The following LRRK1 variants were observed in gnomAD, a reference collection of about 807,000 sequenced individuals.
LRRK1 encodes the protein leucine rich repeat kinase 1.
LRRK1 carries 113 observed loss-of-function variants against 209.1 expected under a neutral mutation model. That is an observed-to-expected ratio of 0.54 (90% CI 0.46 to 0.63). LRRK1 has a LOEUF of 0.63. LRRK1 is among the 30% of genes least tolerant of loss of function. The pLI, the probability that LRRK1 is intolerant of heterozygous loss-of-function variation, is 0.00. For missense variants in LRRK1, 2,284 were observed against 2,632.2 expected, an observed-to-expected ratio of 0.87 and a Z score of 2.89; for synonymous variants, 1,144 against 1,099.7, an observed-to-expected ratio of 1.04 and a Z score of -0.80.
At chr15:100,971,018 C>T (rs944473583) in intron 2 of LRRK1, among the ~76,000 whole-genome samples, 2 of 151,982 alleles carry the variant, frequency 1.3e-5, no homozygotes, top group Admixed American at 6.6e-5. Context: ...GTGAGCCAAC[C>T]GTGCTATGCA....
At position 101,072,544 on chromosome 15, in the gene LRRK1, C is replaced by A. The variant is rs1275576416; in HGVS notation, c.*3696C>A. ...ATCCCCTGTGACTTGCACGTATATGCCTAGATGGCCTGAAGTAACTGAAGA... is the reference window on the plus strand; with the variant it reads ...ATCCCCTGTGACTTGCACGTATATGACTAGATGGCCTGAAGTAACTGAAGA... On this transcript the variant is annotated 3_prime_UTR_variant, in exon 34 of 34. Transcript: ENST00000388948. The A allele has an allele frequency of 6.6e-6, 1 of 152,424 alleles. No individual in the cohort carries two copies. Among genetic ancestry groups the A allele is most frequent in the Non-Finnish European group, 1.5e-5 (1 of 68,198 alleles). 9.4% of individuals were successfully genotyped at this position (152,424 alleles called of 1,614,324 possible). A position where few individuals can be genotyped will look rare whatever the true frequency, so the allele number is the denominator to read the frequency against.
At chr15:100,938,654 T>C (rs1296428120) in intron 2 of LRRK1, among the ~76,000 whole-genome samples, 3 of 152,000 alleles carry the variant, frequency 2.0e-5, no homozygotes, top group East Asian at 3.9e-4. Context: ...TCCATACTTA[T>C]AGCTTAAGAA....
At chr15:101,002,015 C>T (rs1413653977) in intron 6 of LRRK1, among the ~76,000 whole-genome samples, 2 of 152,224 alleles carry the variant, frequency 1.3e-5, no homozygotes, top group Admixed American at 1.3e-4. Flanking sequence ...GAATCGTTTT[C>T]GGAGTCTGCC....
chr15:101,007,699 C>T (rs1195732574), intron 6 of LRRK1, among the ~76,000 whole-genome samples: 2 of 152,156 alleles, frequency 1.3e-5, no homozygotes, highest in Non-Finnish European at 2.9e-5. Context: ...GGCCTCGCTG[C>T]AGGCTGGGCA....
chr15:101,053,371 G>A lies in LRRK1; in HGVS notation c.4005G>A (p.Glu1335=), dbSNP rs768226866. 1.2e-6 allele frequency: 2 copies of A among 1,600,846 alleles called. No homozygotes were observed. The highest frequency in any genetic ancestry group is 1.7e-6 in the Non-Finnish European group (2 of 1,179,738). ...ISIHPLCFAL[E]LAPLSSLNTV... is the part of the protein sequence containing the mutation. The stretch of plus-strand genomic sequence containing the variant: ...TCCACCCGCTCTGCTTCGCCCTGGA[G>A]CTCGCGCCGCTCAGCAGCCTCAACA... Residue 1335 remains glutamate (E), a synonymous_variant, in exon 26 of 34, where the codon GAG becomes GAA. Transcript: ENST00000388948.
intron 32 of LRRK1, 107 bp downstream of exon 32, chr15:101,066,312 G>A: frequency 3.5e-6 from 5 of 1,417,594 alleles, no homozygotes; most frequent in Non-Finnish European, 1.9e-6. Context: ...ATGTGGGGAG[G>A]CAGGTGCTGT....
chr15:100,964,153 CG>C (rs2030295472), intron 2 of LRRK1, among the ~76,000 whole-genome samples: 1 of 152,122 alleles, frequency 6.6e-6, no homozygotes, highest in South Asian at 2.1e-4. Flanking sequence ...CTGTCTGATG[CG>C]GGTGGAGGGC....
chr15:100,931,397 A>G (rs1332660011), intron 2 of LRRK1, among the ~76,000 whole-genome samples: 2 of 152,240 alleles, frequency 1.3e-5, no homozygotes, highest in Non-Finnish European at 2.9e-5. Flanking sequence ...TCAGTGACTC[A>G]GAGATATTTA....
chr15:101,052,019 G>A, intron 24 of LRRK1, 59 bp downstream of exon 24: 1 of 1,569,084 alleles, frequency 6.4e-7, no homozygotes, highest in Non-Finnish European at 8.7e-7. Flanking sequence ...GTTCCTCGCT[G>A]TGCAGTTGCC....
chr15:101,008,313 A>G (rs2033068705), intron 6 of LRRK1, among the ~76,000 whole-genome samples: 1 of 152,082 alleles, frequency 6.6e-6, no homozygotes, highest in South Asian at 2.1e-4. Flanking sequence ...GTCTGTCTGT[A>G]TCTCAGGCTC....
chr15:101,022,421 C>T lies in LRRK1; in HGVS notation c.1891C>T (p.Arg631Trp), dbSNP rs192470343. The change falls in exon 15 of 34, where the codon CGG becomes TGG. Residue 631 changes from arginine to tryptophan, a missense_variant. Physicochemically the swap from Arg to Trp is moderately radical, Grantham distance 101 (BLOSUM62 -3). This residue lies in a region of LRRK1 where 494 missense variants were observed against 522.1 expected (regional missense o/e 0.95). Transcript: ENST00000388948. The surrounding 1 kb of genome is among the most constrained non-coding windows in gnomAD (Gnocchi z 4.0). ...AMLSYLRAQL[R>W]KAEKCKLMKM... ...GCTGTCTTACCTGCGTGCTCAGCTG[C>T]GGAAAGCGGAAAAGTGCAAGCTGAT... The T allele has an allele frequency of 1.3e-3, 2,033 of 1,614,210 alleles. 4 individuals carry two copies. Among genetic ancestry groups the T allele is most frequent in the Non-Finnish European group, 1.5e-3 (1,794 of 1,180,042 alleles).
intron 2 of LRRK1, among the ~76,000 whole-genome samples, chr15:100,942,700 T>C (rs964515508): frequency 2.0e-5 from 3 of 152,358 alleles, no homozygotes; most frequent in Non-Finnish European, 4.4e-5. Flanking sequence ...CTTTTCTTTT[T>C]TTTCCAAATT....
rs1596200672 is a variant in LRRK1, at chr15:100,960,230, C to T, written c.98-13574C>T. 3.5e-5 allele frequency among the ~76,000 whole-genome samples: 5 copies of T among 143,672 alleles called. No homozygotes were observed. In the South Asian group the frequency reaches 8.9e-4, roughly 26 times the overall value. The allele number at this position is 143,672 out of a possible 152,430, so 94.3% of individuals were successfully genotyped here. ...CATTATAATTGTCAAAATCACCGTT[C>T]TTTGCTCTACTGAACAGTGCTGCAA... On this transcript the variant is annotated intron_variant, in intron 2 of 33. Coordinates refer to ENST00000388948, the MANE Select transcript of LRRK1 (RefSeq NM_024652.6).
intron 2 of LRRK1, among the ~76,000 whole-genome samples, chr15:100,941,464 C>CTGTGTGTGTCTGTGTGTGTGTGTGTG (rs2042432624): frequency 1.1e-5 from 1 of 88,740 alleles, no homozygotes; most frequent in African/African-American, 5.1e-5. Flanking sequence ...GTCTATGTCT[C>CTGTGTGTGTCTGTGTGTGTGTGTGTG]TGTGTGTGTG....
chr15:100,921,809 C>T (rs904428182), intron 1 of LRRK1, among the ~76,000 whole-genome samples: 9 of 152,192 alleles, frequency 5.9e-5, no homozygotes, highest in Admixed American at 2.6e-4. Context: ...CTCCACCTCC[C>T]CCAGTTTAAG....
chr15:101,019,045 CAG>C (rs2033666380), intron 12 of LRRK1, among the ~76,000 whole-genome samples: 1 of 152,192 alleles, frequency 6.6e-6, no homozygotes, highest in Non-Finnish European at 1.5e-5. Flanking sequence ...ATCAGACCAG[CAG>C]AGTCATAAAT....
In LRRK1 at chr15:101,021,116, A is replaced by C; in HGVS notation, c.1673A>C (p.Asn558Thr). The change falls in exon 13 of 34, where the codon AAC becomes ACC. Residue 558 changes from asparagine (N) to threonine (T), a missense_variant. Asn to Thr is a moderately conservative substitution (Grantham distance 65, BLOSUM62 0). Coordinates refer to ENST00000388948, the MANE Select transcript of LRRK1 (RefSeq NM_024652.6). ...ESLEVLCLND[N>T]HLDTVPPSVC... The stretch of plus-strand genomic sequence containing the variant: ...TTGGAAGTCCTTTGCCTGAACGACA[A>C]CCACCTCGACACAGTCCCTCCCTCG... The C allele has an allele frequency of 6.2e-7, 1 of 1,614,096 alleles. No homozygotes were observed. The highest frequency in any genetic ancestry group is 1.3e-5 in the African/African-American group (1 of 75,014).
rs936552454 is a variant in LRRK1 at position 101,011,991 on chromosome 15, T to G, written c.1282-17T>G. ...GAGCTAACTAATATACATTTTTTTT[T>G]CTCGTCAATCTCTTAGAAATGTTGT... is the stretch of plus-strand genomic sequence containing the variant. On this transcript the variant is annotated splice_polypyrimidine_tract_variant and intron_variant, in intron 9 of 33. Transcript: ENST00000388948. 6.4e-7 allele frequency: 1 copy of G among 1,572,392 alleles called. No individual in the cohort carries two copies. The highest frequency in any genetic ancestry group is 1.4e-5 in the African/African-American group (1 of 72,576).
At position 100,962,817 on chromosome 15, in the gene LRRK1, ATATATAT is replaced by A. The variant is rs1432227622; in HGVS notation, c.98-10985_98-10979del. On this transcript the variant is annotated intron_variant, in intron 2 of 33. Transcript: ENST00000388948. ...TGCATATATATATATATATATATAT[ATATATAT>A]TTTTTTTTTTTTTTTTGAGATGGAG... Among the ~76,000 whole-genome samples, 63 of 21,202 alleles carry A rather than the reference ATATATAT, an allele frequency of 3.0e-3. 3 individuals are homozygous for A. Among genetic ancestry groups the A allele is most frequent in the South Asian group, 5.8e-3 (3 of 516 alleles). 13.9% of individuals were successfully genotyped at this position (21,202 alleles called of 152,430 possible).
Sources: allele counts gnomAD v4.1 joint callset (sites outside exome capture counted in the v4.1 genomes callset), GRCh38; gene constraint gnomAD v4.1.1; regional missense constraint gnomAD v4.1.1; non-coding constraint Gnocchi (gnomAD v3.1); transcripts MANE v1.5; gene names NCBI Gene and HGNC (gene_info 2026-07-23, HGNC 2026-07-21).